The following MLLT10 variants were observed in gnomAD, a reference collection of about 807,000 sequenced individuals.
The protein encoded by MLLT10 is protein AF-10.
In MLLT10, 30 loss-of-function variants were observed where a neutral mutation model predicts 129.1. The ratio of observed to expected loss-of-function variants is 0.23; its 90% CI spans 0.17 to 0.32. The LOEUF is 0.32. Among genes scored for constraint, MLLT10 ranks in the 10% least tolerant of loss-of-function variants. The pLI is 1.00. For missense variants in MLLT10, 1,119 were observed against 1,268.3 expected (o/e 0.88, Z 1.79); for synonymous variants, 490 against 446.4 (o/e 1.10, Z -1.23).
At position 21,727,917 on chromosome 10, in the gene MLLT10, T is replaced by TCTCTCGCCACTC; in HGVS notation, c.2062_2063insTCCTCTCGCCAC (p.Pro687_Arg688insLeuLeuSerPro). 6.2e-7 allele frequency: 1 copy of TCTCTCGCCACTC among 1,613,950 alleles called. No individual in the cohort carries two copies. The highest frequency in any genetic ancestry group is 1.1e-5 in the South Asian group (1 of 91,036). On this transcript the variant is annotated inframe_insertion, in exon 16 of 23. Transcript: ENST00000307729. ...GCAGAGGAAGCTCACCCCGAGGAAG[T>TCTCTCGCCACTC]CTCTCGCCACGGTAAGCGCTATTTA...
chr10:21,738,385 A>G lies in MLLT10; in HGVS notation c.2956-1645A>G, dbSNP rs369400676. The stretch of plus-strand genomic sequence containing the variant: ...TATTTGGGTGTCTTCCTATTAATCA[A>G]GATTTTACTCTAATAATAGCATGTG... On this transcript the variant is annotated intron_variant, in intron 21 of 22. Coordinates refer to ENST00000307729, the MANE Select transcript of MLLT10 (RefSeq NM_001195626.3). The G allele has an allele frequency of 5.7e-5, 73 of 1,285,774 alleles. 2 individuals are homozygous for G. The East Asian group carries it at 1.2e-3, about 22-fold the overall frequency. The allele number at this position is 1,285,774 out of a possible 1,614,324, so 79.6% of individuals were successfully genotyped here. A position where few individuals can be genotyped will look rare whatever the true frequency, so the allele number is the denominator to read the frequency against.
chr10:21,683,148 A>G (rs1172117362), intron 13 of MLLT10, among the ~76,000 whole-genome samples: 1 of 152,190 alleles, frequency 6.6e-6, no homozygotes, highest in Non-Finnish European at 1.5e-5. Flanking sequence ...TCGACAGCCA[A>G]CAAGAGACTA....
At position 21,729,757 on chromosome 10, in the gene MLLT10, G is replaced by A. The variant is rs530160611; in HGVS notation, c.2064-1143G>A. ...CTAGGTTGTTGTGGAGATCATATGA[G>A]ATATATACAAACGCATTGGAAATTC... On this transcript the variant is annotated intron_variant, in intron 16 of 22. Transcript: ENST00000307729. 2.0e-5 allele frequency among the ~76,000 whole-genome samples: 3 copies of A among 152,254 alleles called. No individual in the cohort carries two copies. In the East Asian group the frequency reaches 5.8e-4, roughly 29 times the overall value.
intron 13 of MLLT10, among the ~76,000 whole-genome samples, chr10:21,703,568 A>G (rs1331162561): frequency 6.6e-6 from 1 of 151,508 alleles, no homozygotes; most frequent in African/African-American, 2.4e-5. Flanking sequence ...TTTTTGAGAC[A>G]GAGTCTCGCT....
intron 9 of MLLT10, among the ~76,000 whole-genome samples, chr10:21,663,331 T>A (rs2050403812): frequency 6.6e-6 from 1 of 152,096 alleles, no homozygotes; most frequent in Admixed American, 6.5e-5. Context: ...AGCTGCTGGA[T>A]TTGCTTAAGT....
chr10:21,682,772 G>T (rs1347079986), intron 13 of MLLT10, among the ~76,000 whole-genome samples: 3 of 152,076 alleles, frequency 2.0e-5, no homozygotes, highest in Non-Finnish European at 4.4e-5. Context: ...TGCTGCATTG[G>T]GTTCTGAAAT....
chr10:21,557,428 T>C (rs1450150008), intron 3 of MLLT10, among the ~76,000 whole-genome samples: 3 of 152,240 alleles, frequency 2.0e-5, no homozygotes, highest in African/African-American at 7.2e-5. Flanking sequence ...TTGATAGATC[T>C]GTGAAATACA....
At chr10:21,623,104 G>A (rs1245007281) in intron 8 of MLLT10, among the ~76,000 whole-genome samples, 3 of 152,220 alleles carry the variant, frequency 2.0e-5, no homozygotes, top group Admixed American at 1.3e-4. Flanking sequence ...CACCCACACA[G>A]CATCGGTTGT....
At chr10:21,667,345 T>C (rs1189279202) in intron 9 of MLLT10, among the ~76,000 whole-genome samples, 1 of 151,616 alleles carries the variant, frequency 6.6e-6, no homozygotes, top group Admixed American at 6.6e-5. Context: ...TTGGGGTTAC[T>C]TGAGGTTCTT....
At chr10:21,625,897 C>T (rs1364081502) in intron 8 of MLLT10, 1 of 782,462 alleles carries the variant, frequency 1.3e-6, no homozygotes, top group South Asian at 1.3e-5. Flanking sequence ...CAAAAAGGGG[C>T]ACCAACTCAT....
intron 9 of MLLT10, among the ~76,000 whole-genome samples, chr10:21,655,978 T>A (rs984811593): frequency 1.4e-4 from 22 of 151,826 alleles, no homozygotes; most frequent in Admixed American, 3.3e-4. Flanking sequence ...CGTGTAGGGA[T>A]GAGGCAGGTG....
chr10:21,650,247 A>C (rs1818312872), intron 8 of MLLT10, among the ~76,000 whole-genome samples: 1 of 152,066 alleles, frequency 6.6e-6, no homozygotes, highest in Non-Finnish European at 1.5e-5. Context: ...ACTACTTGGG[A>C]GGCTGAGGTG....
intron 9 of MLLT10, among the ~76,000 whole-genome samples, chr10:21,659,872 C>T (rs942006940): frequency 6.6e-6 from 1 of 152,068 alleles, no homozygotes; most frequent in East Asian, 1.9e-4. Flanking sequence ...TAGGTTTGAA[C>T]AAACCATCTA....
intron 9 of MLLT10, among the ~76,000 whole-genome samples, chr10:21,669,776 G>A (rs1225401555): frequency 6.6e-6 from 1 of 152,122 alleles, no homozygotes; most frequent in African/African-American, 2.4e-5. Context: ...AACTATACAA[G>A]TCTTCATCTT....
In MLLT10 at chr10:21,696,266, A is replaced by T. The variant is rs79881116; in HGVS notation, c.1699+14009A>T. Among the ~76,000 whole-genome samples, 5 of 151,682 alleles carry T rather than the reference A, an allele frequency of 3.3e-5. No individual in the cohort carries two copies. In the East Asian group the frequency reaches 9.7e-4, roughly 29 times the overall value. On this transcript the variant is annotated intron_variant, in intron 13 of 22. Transcript: ENST00000307729. ...TTTCCTTTTTATTCTTGACCCCTAG[A>T]CATTTCCTTTGCTTGTGGACTCGGG...
intron 14 of MLLT10, among the ~76,000 whole-genome samples, chr10:21,717,121 T>G (rs769992380): frequency 6.6e-6 from 1 of 151,164 alleles, no homozygotes; most frequent in Non-Finnish European, 1.5e-5. Flanking sequence ...GGCGCGGTGG[T>G]GCATGCCTGT....
chr10:21,675,467 G>A (rs1401356949), intron 11 of MLLT10, among the ~76,000 whole-genome samples: 1 of 152,138 alleles, frequency 6.6e-6, no homozygotes, highest in Admixed American at 6.5e-5. Flanking sequence ...AACTACCTCT[G>A]GTTGAGGCTC....
intron 13 of MLLT10, among the ~76,000 whole-genome samples, chr10:21,706,909 C>T (rs554086133): frequency 3.4e-4 from 52 of 152,226 alleles, no homozygotes; most frequent in African/African-American, 1.2e-3. Flanking sequence ...CCATCTCTTT[C>T]GTCAGGCTCT....
rs1040436471 is a variant in MLLT10, at chr10:21,711,998, T to C, written c.1700-1774T>C. 2.6e-5 allele frequency among the ~76,000 whole-genome samples: 4 copies of C among 152,288 alleles called. No homozygotes were observed. In the East Asian group the frequency reaches 7.7e-4, roughly 29 times the overall value. On this transcript the variant is annotated intron_variant, in intron 13 of 22. Coordinates refer to ENST00000307729, the MANE Select transcript of MLLT10 (RefSeq NM_001195626.3). The stretch of plus-strand genomic sequence containing the variant: ...TTTTTATCTCCAGGGCTTAGAATAA[T>C]GCCTGGCAAATAATGAGTTCAGTGA...
Sources: allele counts gnomAD v4.1 joint callset (sites outside exome capture counted in the v4.1 genomes callset), GRCh38; gene constraint gnomAD v4.1.1; transcripts MANE v1.5; gene names NCBI Gene and HGNC (gene_info 2026-07-23, HGNC 2026-07-21).